RANBP3: variants seen among roughly 807,000 people sequenced by gnomAD.
RANBP3 encodes RAN binding protein 3, also known as ran-binding protein 3.
RANBP3 carries 14 observed loss-of-function variants against 77.3 expected under a neutral mutation model. That is an observed-to-expected ratio of 0.18 (90% CI 0.12 to 0.28). The LOEUF (loss-of-function observed/expected upper bound fraction) is 0.28. Among genes scored for constraint, RANBP3 ranks in the 10% least tolerant of loss-of-function variants. RANBP3 has a pLI of 1.00. For missense variants in RANBP3, 586 were observed against 752.3 expected, an observed-to-expected ratio of 0.78 and a Z score of 2.59; for synonymous variants, 315 against 312.4, an observed-to-expected ratio of 1.01 and a Z score of -0.09.
At chr19:5,976,771 GA>G (rs2058596825) in intron 1 of RANBP3, among the ~76,000 whole-genome samples, 1 of 152,166 alleles carries the variant, frequency 6.6e-6, no homozygotes, top group Non-Finnish European at 1.5e-5. Flanking sequence ...AAATGGCCAA[GA>G]ATCAGGGAGA....
intron 1 of RANBP3, among the ~76,000 whole-genome samples, chr19:5,961,787 C>T (rs2058405889): frequency 1.3e-5 from 2 of 151,984 alleles, no homozygotes; most frequent in South Asian, 4.1e-4. Context: ...CTCCCACAGA[C>T]TAGAGGCTGA....
At position 5,960,811 on chromosome 19, in the gene RANBP3, C is replaced by T. The variant is rs140730004; in HGVS notation, c.23-2838G>A. ...CAGGCTGTGGTGCCAAGGTGCTGCC[C>T]GGAGCCTTCTGGACACACGGCAGGG... On this transcript the variant is annotated intron_variant, in intron 1 of 16. Coordinates refer to ENST00000340578, the MANE Select transcript of RANBP3 (RefSeq NM_007322.3). Among the ~76,000 whole-genome samples the T allele has an allele frequency of 3.1e-3, 468 of 152,284 alleles. 5 individuals carry two copies. The highest frequency in any genetic ancestry group is 0.016 in the South Asian group (75 of 4,820).
intron 12 of RANBP3, 94 bp downstream of exon 12, chr19:5,923,718 C>A: frequency 2.0e-6 from 2 of 977,720 alleles, no homozygotes; most frequent in East Asian, 2.5e-5. Context: ...GGGAGTCGGG[C>A]CCCTTATCCC....
At chr19:5,933,689 C>T (rs965444317) in intron 5 of RANBP3, 21 of 503,542 alleles carry the variant, frequency 4.2e-5, no homozygotes, top group African/African-American at 2.6e-4. Flanking sequence ...GCAGGAGGAA[C>T]GATGGCTCTT....
Position 5,936,228 on chromosome 19 carries a change from T to C in RANBP3, c.407-2749A>G, listed in dbSNP as rs533610747. 9.5e-4 allele frequency among the ~76,000 whole-genome samples: 144 copies of C among 152,348 alleles called. 1 individual carries two copies. Among genetic ancestry groups the C allele is most frequent in the African/African-American group, 3.2e-3 (131 of 41,586 alleles). On this transcript the variant is annotated intron_variant, in intron 5 of 16. Coordinates refer to ENST00000340578, the MANE Select transcript of RANBP3 (RefSeq NM_007322.3). Reference sequence around the variant, plus strand: ...GCAGGGTGGGGAGGAGGCTCAGCCATGCGGTGGGCAGGGAGTGATGCCTGA... The same window carrying C: ...GCAGGGTGGGGAGGAGGCTCAGCCACGCGGTGGGCAGGGAGTGATGCCTGA...
intron 1 of RANBP3, among the ~76,000 whole-genome samples, chr19:5,975,301 C>T (rs780783083): frequency 2.6e-5 from 4 of 152,082 alleles, no homozygotes; most frequent in Non-Finnish European, 4.4e-5. Context: ...GTGAGTGTGG[C>T]ACTTACTAGG....
chr19:5,951,386 G>A lies in RANBP3; in HGVS notation c.282+7C>T. On this transcript the variant is annotated splice_region_variant and intron_variant, in intron 3 of 16. Coordinates refer to ENST00000340578, the MANE Select transcript of RANBP3 (RefSeq NM_007322.3). Reference sequence around the variant, plus strand: ...GCGGTAGGAGTGCCGGGTAGGTGTGGACTTACCCCTGCCAGTTCTCGCGGA... The same window carrying A: ...GCGGTAGGAGTGCCGGGTAGGTGTGAACTTACCCCTGCCAGTTCTCGCGGA... 1 of 1,550,654 alleles carries A rather than the reference G, an allele frequency of 6.4e-7. No homozygotes were observed. The highest frequency in any genetic ancestry group is 8.7e-7 in the Non-Finnish European group (1 of 1,146,572).
At chr19:5,923,715 G>A (rs77005749) in intron 12 of RANBP3, 97 bp downstream of exon 12, 41 of 940,494 alleles carry the variant, frequency 4.4e-5, no homozygotes, top group Middle Eastern at 2.9e-4. Context: ...TGCGGGAGTC[G>A]GGCCCCTTAT....
rs1207134251 is a variant in RANBP3 at position 5,978,107 on chromosome 19, A to G, written c.-25T>C. 1.9e-6 allele frequency: 3 copies of G among 1,603,834 alleles called. No individual in the cohort carries two copies. Among genetic ancestry groups the G allele is most frequent in the Non-Finnish European group, 2.6e-6 (3 of 1,175,908 alleles). ...TTTTACTTCCTTAAGCCCTCCCACA[A>G]GGCCCCGCGCCGGCCCAGGCTCGCC... On this transcript the variant is annotated 5_prime_UTR_variant, in exon 1 of 17. Coordinates refer to ENST00000340578, the MANE Select transcript of RANBP3 (RefSeq NM_007322.3).
In RANBP3 at chr19:5,938,762, G is replaced by T. The variant is rs911378501; in HGVS notation, c.406+2859C>A. 1.1e-4 allele frequency among the ~76,000 whole-genome samples: 17 copies of T among 152,314 alleles called. No homozygotes were observed. In the South Asian group the frequency reaches 2.5e-3, roughly 22 times the overall value. Reference sequence around the variant, plus strand: ...CTAGGTAGGTCTGAGCAAAATTAATGTGAGAATGCACAAAAAAGAGGTCTA... The same window carrying T: ...CTAGGTAGGTCTGAGCAAAATTAATTTGAGAATGCACAAAAAAGAGGTCTA... On this transcript the variant is annotated intron_variant, in intron 5 of 16. Transcript: ENST00000340578.
At chr19:5,939,943 G>A (rs909709444) in intron 5 of RANBP3, among the ~76,000 whole-genome samples, 2 of 152,248 alleles carry the variant, frequency 1.3e-5, no homozygotes, top group Admixed American at 1.3e-4. Flanking sequence ...CACCTGTCAA[G>A]GCTTGTCCAT....
At chr19:5,961,631 G>A (rs918977673) in intron 1 of RANBP3, among the ~76,000 whole-genome samples, 5 of 152,170 alleles carry the variant, frequency 3.3e-5, no homozygotes, top group South Asian at 2.1e-4. Context: ...TACTCAAGAG[G>A]CTGAGGCAGG....
intron 1 of RANBP3, among the ~76,000 whole-genome samples, chr19:5,971,422 C>T (rs915765733): frequency 1.3e-5 from 2 of 152,060 alleles, no homozygotes; most frequent in Admixed American, 6.6e-5. Flanking sequence ...CCTCAGCCTC[C>T]CAAGTAGCTG....
In RANBP3 at chr19:5,931,636, A is replaced by G. The variant is rs2057993320; in HGVS notation, c.566-105T>C. Reference sequence around the variant, plus strand: ...CCACGTCTAGTCTAGGGCCCCTCCCATGGTAAAGCCCACAGCACATGTCTC... The same window carrying G: ...CCACGTCTAGTCTAGGGCCCCTCCCGTGGTAAAGCCCACAGCACATGTCTC... On this transcript the variant is annotated intron_variant, in intron 7 of 16. Coordinates refer to ENST00000340578, the MANE Select transcript of RANBP3 (RefSeq NM_007322.3). The G allele has an allele frequency of 1.3e-5, 16 of 1,275,750 alleles. No homozygotes were observed. In the South Asian group the frequency reaches 1.9e-4, roughly 15 times the overall value. The allele number at this position is 1,275,750 out of a possible 1,614,324, so 79.0% of individuals were successfully genotyped here.
intron 13 of RANBP3, among the ~76,000 whole-genome samples, chr19:5,922,223 T>G (rs1338605899): frequency 6.6e-6 from 1 of 152,198 alleles, no homozygotes; most frequent in African/African-American, 2.4e-5. Context: ...TGTACTATAT[T>G]TCAATACAGC....
In RANBP3 at chr19:5,917,631, C is replaced by A; in HGVS notation, c.1683G>T (p.Gly561=). 1 of 1,605,992 alleles carries A rather than the reference C, an allele frequency of 6.2e-7. No homozygotes were observed. ...TAAGAGDEGD[G]QTTGST The stretch of plus-strand genomic sequence containing the variant: ...GCCGCTATGTGCTCCCGGTCGTCTG[C>A]CCGTCCCCTTCGTCACCAGCACCTG... Residue 561 remains glycine, a synonymous_variant, in exon 17 of 17, where the codon GGG becomes GGT. Transcript: ENST00000340578.
Position 5,917,503 on chromosome 19 carries a change from T to C in RANBP3, c.*107A>G, listed in dbSNP as rs2057753999. 5.4e-6 allele frequency: 7 copies of C among 1,284,430 alleles called. No homozygotes were observed. The South Asian group carries it at 8.6e-5, about 16-fold the overall frequency. The allele number at this position is 1,284,430 out of a possible 1,614,324, so 79.6% of individuals were successfully genotyped here. On this transcript the variant is annotated 3_prime_UTR_variant, in exon 17 of 17. Transcript: ENST00000340578. ...AGACTGTGGCCGGCCCAGTGGGGTG[T>C]GTGGTTCCCGGCCCCGCACCTGGAC...
chr19:5,957,992 GT>G lies in RANBP3; in HGVS notation c.23-20del, dbSNP rs754005404. 4.5e-5 allele frequency: 73 copies of G among 1,613,598 alleles called. No homozygotes were observed. The highest frequency in any genetic ancestry group is 1.1e-4 in the East Asian group (5 of 44,880). On this transcript the variant is annotated intron_variant, in intron 1 of 16. Transcript: ENST00000340578. ...GGCTTTTCTGCAAAAAGAAAAATTA[GT>G]TTTTTTCCCCCCAACACTATATGCA...
chr19:5,974,541 G>A (rs961317586), intron 1 of RANBP3: 9 of 152,278 alleles, frequency 5.9e-5, no homozygotes, highest in African/African-American at 2.2e-4. Context: ...CTGTCTGAGA[G>A]GAAAAGCACT....
Sources: allele counts gnomAD v4.1 joint callset (sites outside exome capture counted in the v4.1 genomes callset), GRCh38; gene constraint gnomAD v4.1.1; transcripts MANE v1.5; gene names NCBI Gene and HGNC (gene_info 2026-07-23, HGNC 2026-07-21).